SIAH3: variants seen among roughly 807,000 people sequenced by gnomAD.
SIAH3 encodes the protein seven in absentia homolog 3.
SIAH3 carries 9 observed loss-of-function variants against 12.6 expected under a neutral mutation model. The ratio of observed to expected loss-of-function variants is 0.72; its 90% CI spans 0.43 to 1.25. The LOEUF (loss-of-function observed/expected upper bound fraction) is 1.25, where lower values mean the gene tolerates loss of function less well. SIAH3 is among the 50% of genes most tolerant of loss of function. The probability of loss-of-function intolerance (pLI) is 0.00; values close to 1 mark genes in which losing one functional copy is unlikely to be tolerated. For synonymous variants in SIAH3, 154 were observed against 151.1 expected (o/e 1.02, Z -0.14); for missense variants, 390 against 365.4 (o/e 1.07, Z -0.55).
intron 1 of SIAH3, among the ~76,000 whole-genome samples, chr13:45,816,066 GC>G (rs1950633426): frequency 6.6e-6 from 1 of 152,256 alleles, no homozygotes; most frequent in Non-Finnish European, 1.5e-5. Context: ...AAATGTAGCT[GC>G]CATGCTCAGG....
chr13:45,823,355 C>T (rs982138872), intron 1 of SIAH3, among the ~76,000 whole-genome samples: 5 of 152,128 alleles, frequency 3.3e-5, no homozygotes, highest in Non-Finnish European at 2.9e-5. Flanking sequence ...CTGCTGCTTC[C>T]GAATTTTTAA....
In SIAH3 at chr13:45,847,776, G is replaced by C. The variant is rs527762139; in HGVS notation, c.135+3719C>G. Reference sequence around the variant, plus strand: ...AAAGCATTTTACTATTCTTCTTTCAGAAACTTGTTTATCAAACGCTGTGGT... The same window carrying C: ...AAAGCATTTTACTATTCTTCTTTCACAAACTTGTTTATCAAACGCTGTGGT... On this transcript the variant is annotated intron_variant, in intron 1 of 1. Coordinates refer to ENST00000400405, the MANE Select transcript of SIAH3 (RefSeq NM_198849.3). 1.6e-4 allele frequency among the ~76,000 whole-genome samples: 25 copies of C among 152,220 alleles called. 1 individual carries two copies. The South Asian group carries it at 5.0e-3, about 30-fold the overall frequency.
chr13:45,795,622 C>G (rs1414562042), intron 1 of SIAH3, among the ~76,000 whole-genome samples: 1 of 152,222 alleles, frequency 6.6e-6, no homozygotes, highest in African/African-American at 2.4e-5. Context: ...ACCCCTTCAT[C>G]TCTGACCCAG....
chr13:45,824,965 G>T (rs1268554280), intron 1 of SIAH3, among the ~76,000 whole-genome samples: 1 of 150,834 alleles, frequency 6.6e-6, no homozygotes, highest in Non-Finnish European at 1.5e-5. Flanking sequence ...AAGTGACAGA[G>T]AACCAAGGCG....
At chr13:45,836,080 G>A (rs527253009) in intron 1 of SIAH3, among the ~76,000 whole-genome samples, 1 of 152,306 alleles carries the variant, frequency 6.6e-6, no homozygotes, top group African/African-American at 2.4e-5. Flanking sequence ...TAGGGACACG[G>A]ATATGCAAGT....
chr13:45,804,226 C>A (rs1317718003), intron 1 of SIAH3, among the ~76,000 whole-genome samples: 3 of 151,938 alleles, frequency 2.0e-5, no homozygotes, highest in Non-Finnish European at 4.4e-5. Context: ...ACTATTAATT[C>A]TATTAATGTG....
intron 1 of SIAH3, among the ~76,000 whole-genome samples, chr13:45,801,810 G>A (rs1950583266): frequency 6.6e-6 from 1 of 152,166 alleles, no homozygotes; most frequent in South Asian, 2.1e-4. Context: ...AATAACATCT[G>A]CTGGCTGATA....
chr13:45,818,145 G>A (rs1950641411), intron 1 of SIAH3, among the ~76,000 whole-genome samples: 1 of 152,180 alleles, frequency 6.6e-6, no homozygotes, highest in Non-Finnish European at 1.5e-5. Flanking sequence ...GGTCCCCAGG[G>A]AGACTGCAGC....
chr13:45,829,000 C>A (rs1950689130), intron 1 of SIAH3, among the ~76,000 whole-genome samples: 2 of 151,998 alleles, frequency 1.3e-5, no homozygotes, highest in Admixed American at 1.3e-4. Flanking sequence ...AGTTTCAAAG[C>A]ATTTTAATAA....
At chr13:45,785,344 C>T (rs2137547959) in intron 1 of SIAH3, among the ~76,000 whole-genome samples, 1 of 152,372 alleles carries the variant, frequency 6.6e-6, no homozygotes, top group Non-Finnish European at 1.5e-5. Flanking sequence ...CAAATGCTTT[C>T]TGGACTTCAG....
At chr13:45,808,975 C>G (rs1385709409) in intron 1 of SIAH3, among the ~76,000 whole-genome samples, 1 of 152,192 alleles carries the variant, frequency 6.6e-6, no homozygotes, top group Non-Finnish European at 1.5e-5. Context: ...GCTCTGAGGC[C>G]TCCATTTTCG....
intron 1 of SIAH3, among the ~76,000 whole-genome samples, chr13:45,822,520 A>AATATATAT (rs36106322): frequency 0.046 from 3,895 of 85,092 alleles, 229 homozygotes; most frequent in East Asian, 0.082. Flanking sequence ...TTCATTATCA[A>AATATATAT]ATATATATAT....
intron 1 of SIAH3, among the ~76,000 whole-genome samples, chr13:45,841,712 A>T (rs2137583553): frequency 6.6e-6 from 1 of 152,344 alleles, no homozygotes; most frequent in South Asian, 2.1e-4. Context: ...AGTCAAGATG[A>T]ATATGTAGCC....
At chr13:45,817,604 A>T (rs1019172630) in intron 1 of SIAH3, among the ~76,000 whole-genome samples, 3 of 150,760 alleles carry the variant, frequency 2.0e-5, no homozygotes, top group Non-Finnish European at 2.9e-5. Context: ...AGTGACCTAC[A>T]GAAGAGAAAG....
At position 45,805,359 on chromosome 13, in the gene SIAH3, C is replaced by T. The variant is rs118090719; in HGVS notation, c.136-21302G>A. Among the ~76,000 whole-genome samples, 86 of 152,088 alleles carry T rather than the reference C, an allele frequency of 5.7e-4. 1 individual carries two copies. The highest frequency in any genetic ancestry group is 2.3e-3 in the East Asian group (12 of 5,190). On this transcript the variant is annotated intron_variant, in intron 1 of 1. Coordinates refer to ENST00000400405, the MANE Select transcript of SIAH3 (RefSeq NM_198849.3). ...CAAAGCTACAGTAACCAAAACAGCA[C>T]GATACTGGTATAAAAACAGACCATA...
At position 45,782,217 on chromosome 13, in the gene SIAH3, T is replaced by C. The variant is rs1230392024; in HGVS notation, c.*1166A>G. 6.6e-6 allele frequency: 1 copy of C among 152,240 alleles called. No homozygotes were observed. Among genetic ancestry groups the C allele is most frequent in the African/African-American group, 2.4e-5 (1 of 41,460 alleles). 9.4% of individuals were successfully genotyped at this position (152,240 alleles called of 1,614,324 possible). The stretch of plus-strand genomic sequence containing the variant: ...CAGAGGAAATATGGATTTCCGTCAC[T>C]GTGTCATTCATACTGCAACAGGTGC... On this transcript the variant is annotated 3_prime_UTR_variant, in exon 2 of 2. Coordinates refer to ENST00000400405, the MANE Select transcript of SIAH3 (RefSeq NM_198849.3).
Position 45,784,040 on chromosome 13 carries a change from G to A in SIAH3, c.153C>T (p.Arg51=). The change falls in exon 2 of 2, where the codon CGC becomes CGT. Residue 51 remains arginine, a synonymous_variant. Coordinates refer to ENST00000400405, the MANE Select transcript of SIAH3 (RefSeq NM_198849.3). ...THNLKYVSSR[R]AVTQSAPEQG... ...GCTCTGGAGCGCTCTGAGTGACGGC[G>A]CGCCGACTGGACACATACTGTAAGG... 1 of 1,590,146 alleles carries A rather than the reference G, an allele frequency of 6.3e-7. No individual in the cohort carries two copies. Among genetic ancestry groups the A allele is most frequent in the Non-Finnish European group, 8.6e-7 (1 of 1,168,338 alleles).
chr13:45,784,188 CA>C (rs1950517687), intron 1 of SIAH3, 131 bp from the exon 2 acceptor site: 2 of 135,658 alleles, frequency 1.5e-5, no homozygotes, highest in Non-Finnish European at 1.5e-5. Context: ...TCTTAAACAA[CA>C]AACAAACAAA....
chr13:45,795,955 T>TA (rs1950561136), intron 1 of SIAH3, among the ~76,000 whole-genome samples: 1 of 152,146 alleles, frequency 6.6e-6, no homozygotes, highest in Admixed American at 6.5e-5. Flanking sequence ...GTTGAATTTT[T>TA]AAAAAAGCTA....
Sources: gnomAD v4.1 joint callset for allele counts (sites outside exome capture counted in the v4.1 genomes callset) on GRCh38, gnomAD v4.1.1 for gene constraint, MANE v1.5 for transcripts, NCBI Gene and HGNC (gene_info 2026-07-23, HGNC 2026-07-21) for gene names.